PFAS: variants seen among roughly 807,000 people sequenced by gnomAD.
PFAS encodes the protein phosphoribosylformylglycinamidine synthase.
A neutral mutation model predicts 140.6 loss-of-function variants in PFAS; 97 were observed. That is an observed-to-expected ratio of 0.69 (90% CI 0.59 to 0.82). PFAS has a LOEUF of 0.82. Among genes scored for constraint, PFAS ranks in the 40% least tolerant of loss-of-function variants. The pLI is 0.00. For missense variants in PFAS, 1,656 were observed against 1,780.2 expected (o/e 0.93, Z 1.26); for synonymous variants, 679 against 718.8 (o/e 0.94, Z 0.88).
Position 8,262,994 on chromosome 17 carries a change from G to A in PFAS, c.1410+1G>A. On this transcript the variant is annotated splice_donor_variant, in intron 12 of 27. Transcript: ENST00000314666. LOFTEE classifies it high-confidence loss of function. ...AGGTGGAGCTGCTTCATCTGTGCAG[G>A]TGAGTGGGAATTGCTAAAGGTGCAG... 1 of 1,613,604 alleles carries A rather than the reference G, an allele frequency of 6.2e-7. No individual in the cohort carries two copies. The highest frequency in any genetic ancestry group is 1.1e-5 in the South Asian group (1 of 91,084).
chr17:8,257,074 G>C (rs1170821444), intron 9 of PFAS, 111 bp downstream of exon 9: 2 of 1,189,210 alleles, frequency 1.7e-6, no homozygotes, highest in East Asian at 2.3e-5. Flanking sequence ...CTTTTCTCAG[G>C]AGGAAGGGCT....
At chr17:8,248,087 G>C (rs1343668999), upstream of PFAS, 8 of 1,281,250 alleles carry the variant, frequency 6.2e-6, no homozygotes, top group Non-Finnish European at 8.8e-6. Context: ...CTTGGGGGTG[G>C]GGATGGGGGT....
chr17:8,258,744 T>C (rs563165611), intron 11 of PFAS, among the ~76,000 whole-genome samples: 1 of 152,090 alleles, frequency 6.6e-6, no homozygotes, highest in East Asian at 1.9e-4. Context: ...CCCAACACTT[T>C]GGGAGGCTGA....
Position 8,265,870 on chromosome 17 carries a change from C to T in PFAS, c.2554C>T (p.Leu852Phe), listed in dbSNP as rs767817448. The T allele has an allele frequency of 1.2e-6, 2 of 1,604,726 alleles. No homozygotes were observed. ...CCTCCCCGTCTCCCCAGGCCATCTG[C>T]TCTATGTGGCTCTGAGCCCTGGGCA... ...LKHPEGRGHL[L>F]YVALSPGQHR... Residue 852 changes from leucine (L) to phenylalanine (F), a missense_variant, in exon 21 of 28, where the codon CTC (leucine) becomes TTC (phenylalanine). Around this residue, in one of 2 missense-constraint regions of PFAS, gnomAD observed 883 missense variants for 1,023.0 expected, o/e 0.86. Transcript: ENST00000314666.
chr17:8,263,425 G>C, intron 13 of PFAS, 150 bp from the exon 14 acceptor site: 1 of 991,768 alleles, frequency 1.0e-6, no homozygotes, highest in East Asian at 2.4e-5. Context: ...AAGGGTGGAA[G>C]CCTGCTGCCG....
At chr17:8,252,695 C>T (rs1989205236) in intron 1 of PFAS, among the ~76,000 whole-genome samples, 1 of 152,190 alleles carries the variant, frequency 6.6e-6, no homozygotes, top group Non-Finnish European at 1.5e-5. Context: ...CTGCTCACTG[C>T]AGCCTCCGCC....
At chr17:8,261,485 C>G (rs184992422) in intron 11 of PFAS, among the ~76,000 whole-genome samples, 47 of 151,456 alleles carry the variant, frequency 3.1e-4, no homozygotes, top group African/African-American at 1.1e-3. Context: ...GTAATCCACC[C>G]GCCTCAGCCT....
At chr17:8,262,792 T>C (rs1423673557) in intron 11 of PFAS, 128 bp from the exon 12 acceptor site, 11 of 729,934 alleles carry the variant, frequency 1.5e-5, no homozygotes, top group Middle Eastern at 4.0e-4. Flanking sequence ...CGAGACTCCA[T>C]CTCAAAAAAA....
chr17:8,266,055 CCAGGCGTGCAG>C lies in PFAS; in HGVS notation c.2701+46_2701+56del. On this transcript the variant is annotated intron_variant, in intron 21 of 27. Transcript: ENST00000314666. This position sits in a 1 kb window ranked among gnomAD's most constrained non-coding sequence, Gnocchi z 5.0. Reference sequence around the variant, plus strand: ...CCCTGGGGAGATAGCGCACAGGGTGCCAGGCGTGCAGCAGGCGTTCACCATCTGAGCAGTGG... The same window carrying C: ...CCCTGGGGAGATAGCGCACAGGGTGCCAGGCGTTCACCATCTGAGCAGTGG... 6.4e-7 allele frequency: 1 copy of C among 1,565,432 alleles called. No individual in the cohort carries two copies. Among genetic ancestry groups the C allele is most frequent in the Non-Finnish European group, 8.7e-7 (1 of 1,150,846 alleles).
At chr17:8,262,864 C>A in intron 11 of PFAS, 56 bp from the exon 12 acceptor site, 1 of 1,376,608 alleles carries the variant, frequency 7.3e-7, no homozygotes, top group Non-Finnish European at 1.0e-6. Flanking sequence ...GCCTTGCTTT[C>A]GAGGCCTCTT....
At chr17:8,253,146 G>A (rs957381485) in intron 1 of PFAS, among the ~76,000 whole-genome samples, 2 of 152,202 alleles carry the variant, frequency 1.3e-5, no homozygotes, top group African/African-American at 4.8e-5. Context: ...GACACCTGAA[G>A]TGCAGGATTG....
chr17:8,249,072 T>C (rs1184120355), upstream of PFAS, among the ~76,000 whole-genome samples: 1 of 152,164 alleles, frequency 6.6e-6, no homozygotes, highest in East Asian at 1.9e-4. Context: ...AACTAACTGA[T>C]GTCATTACTT....
intron 4 of PFAS, 108 bp from the exon 5 acceptor site, chr17:8,255,393 TG>T: frequency 1.2e-6 from 1 of 832,778 alleles, no homozygotes; most frequent in Non-Finnish European, 1.9e-6. Flanking sequence ...AAGTGCCATA[TG>T]GTGTGGCAGT....
chr17:8,257,326 G>A, intron 9 of PFAS, among the ~76,000 whole-genome samples: 1 of 152,328 alleles, frequency 6.6e-6, no homozygotes, highest in East Asian at 1.9e-4. Flanking sequence ...GGAGGCTGAG[G>A]TGGGCGGATC....
In PFAS at chr17:8,264,751, C is replaced by G. The variant is rs1464671217; in HGVS notation, c.2050-144C>G. The G allele has an allele frequency of 4.9e-6, 5 of 1,016,400 alleles. No homozygotes were observed. The East Asian group carries it at 9.7e-5, about 20-fold the overall frequency. 63.0% of individuals were successfully genotyped at this position (1,016,400 alleles called of 1,614,324 possible). A position where few individuals can be genotyped will look rare whatever the true frequency, so the allele number is the denominator to read the frequency against. ...CAGCCACCCTGATGGCCTGGTCTCCCTGCTACCCACCTTCTAAGTAGAGCT... is the reference window on the plus strand; with the variant it reads ...CAGCCACCCTGATGGCCTGGTCTCCGTGCTACCCACCTTCTAAGTAGAGCT... On this transcript the variant is annotated intron_variant, in intron 17 of 27. Transcript: ENST00000314666.
Position 8,263,572 on chromosome 17 carries a change from C to G in PFAS, c.1568-3C>G. The G allele has an allele frequency of 6.2e-7, 1 of 1,613,524 alleles. No homozygotes were observed. The highest frequency in any genetic ancestry group is 8.5e-7 in the Non-Finnish European group (1 of 1,179,458). On this transcript the variant is annotated splice_region_variant and splice_polypyrimidine_tract_variant and intron_variant, in intron 13 of 27. Transcript: ENST00000314666. Reference sequence around the variant, plus strand: ...CTGCTTCTCCTTGCAACCCTCTCACCAGGCAATGTCCTAAAAGAGCTGAGT... The same window carrying G: ...CTGCTTCTCCTTGCAACCCTCTCACGAGGCAATGTCCTAAAAGAGCTGAGT...
chr17:8,254,173 C>A lies in PFAS; in HGVS notation c.150C>A (p.Ala50=), dbSNP rs1989267200. 5.0e-6 allele frequency: 8 copies of A among 1,614,044 alleles called. No individual in the cohort carries two copies. The highest frequency in any genetic ancestry group is 5.9e-6 in the Non-Finnish European group (7 of 1,180,010). The change falls in exon 3 of 28, where the codon GCC becomes GCA. Residue 50 remains alanine, a synonymous_variant. Transcript: ENST00000314666. Reference sequence around the variant, plus strand: ...TGCCCTGTCTCCCTGCAGCTGAGGCCCTCCCCAGTGCTGAGGAGACAAAGA... The same window carrying A: ...TGCCCTGTCTCCCTGCAGCTGAGGCACTCCCCAGTGCTGAGGAGACAAAGA... The part of the protein sequence containing the change: ...LCYNVNWTAE[A]LPSAEETKKL...
At position 8,266,834 on chromosome 17, in the gene PFAS, A is replaced by G. The variant is rs1214939747; in HGVS notation, c.2903A>G (p.Tyr968Cys). 6.2e-7 allele frequency: 1 copy of G among 1,611,158 alleles called. No homozygotes were observed. The highest frequency in any genetic ancestry group is 1.1e-5 in the South Asian group (1 of 91,048). ...GACCTGGCCCAGGTGCTGAAGCGTTACCGGGATGCTGGCCTCCATTGCCTG... is the reference window on the plus strand; with the variant it reads ...GACCTGGCCCAGGTGCTGAAGCGTTGCCGGGATGCTGGCCTCCATTGCCTG... The part of the protein sequence containing the change: ...EPDLAQVLKR[Y>C]RDAGLHCLEL... Residue 968 changes from tyrosine to cysteine, a missense_variant, in exon 23 of 28, where the codon TAC becomes TGC. Coordinates refer to ENST00000314666, the MANE Select transcript of PFAS (RefSeq NM_012393.3). The surrounding 1 kb of genome is among the most constrained non-coding windows in gnomAD (Gnocchi z 5.0).
At chr17:8,248,211 T>C (rs1377722994), upstream of PFAS, 1 of 606,868 alleles carries the variant, frequency 1.6e-6, no homozygotes, top group Non-Finnish European at 3.0e-6. Flanking sequence ...CGGTGCACCA[T>C]CCCAACTCCC....
Sources: allele counts gnomAD v4.1 joint callset (sites outside exome capture counted in the v4.1 genomes callset), GRCh38; gene constraint gnomAD v4.1.1; regional missense constraint gnomAD v4.1.1; non-coding constraint Gnocchi (gnomAD v3.1); transcripts MANE v1.5; gene names NCBI Gene and HGNC (gene_info 2026-07-23, HGNC 2026-07-21).